Variants in CCDC138 observed in about 807,000 individuals in gnomAD.
CCDC138 encodes the protein coiled-coil domain containing 138, also known as coiled-coil domain-containing protein 138.
In CCDC138, 66 loss-of-function variants were observed where a neutral mutation model predicts 82.3. The observed-to-expected ratio is 0.80, with a 90% CI of 0.66 to 0.98. CCDC138 has a LOEUF of 0.98. Ranked by LOEUF, CCDC138 falls within the 50% of genes least tolerant of loss-of-function variation. The pLI is 0.00. For missense variants in CCDC138, 816 were observed against 758.9 expected (o/e 1.08, Z -0.88); for synonymous variants, 297 against 265.4 (o/e 1.12, Z -1.16).
At chr2:108,811,070 C>G (rs1683727477) in intron 7 of CCDC138, among the ~76,000 whole-genome samples, 1 of 148,852 alleles carries the variant, frequency 6.7e-6, no homozygotes, top group Non-Finnish European at 1.5e-5. Flanking sequence ...CCGATTTTAT[C>G]TGTTTGGGTC....
intron 12 of CCDC138, among the ~76,000 whole-genome samples, chr2:108,850,992 G>A (rs1476155669): frequency 2.0e-5 from 3 of 152,132 alleles, no homozygotes; most frequent in South Asian, 2.1e-4. Flanking sequence ...AGGCTGCCTC[G>A]TGCCACACCA....
intron 5 of CCDC138, among the ~76,000 whole-genome samples, chr2:108,795,150 ATTTTTTTTT>A (rs11458525): frequency 3.1e-4 from 26 of 85,040 alleles, no homozygotes; most frequent in South Asian, 4.4e-4. Flanking sequence ...TCTAAAGTGT[ATTTTTTTTT>A]TTTTTTTTTT....
chr2:108,856,540 A>C (rs1021334788), intron 12 of CCDC138, among the ~76,000 whole-genome samples: 4 of 152,226 alleles, frequency 2.6e-5, no homozygotes, highest in African/African-American at 4.8e-5. Flanking sequence ...AGTATTAAAA[A>C]ATGTGGCTTG....
chr2:108,870,461 A>G (rs148369093), intron 13 of CCDC138, among the ~76,000 whole-genome samples: 1 of 152,180 alleles, frequency 6.6e-6, no homozygotes, highest in Non-Finnish European at 1.5e-5. Flanking sequence ...AATAGCTGAA[A>G]ACTTATCAAA....
At position 108,815,947 on chromosome 2, in the gene CCDC138, C is replaced by G. The variant is rs766312005; in HGVS notation, c.1048C>G (p.Leu350Val). ...TTTAATTTTTGACATATAGGTACCA[C>G]TTAATGGGCAAGTTTATGAACTTTT... ...APVSKTYKVP[L>V]NGQVYELLTV... The change falls in exon 10 of 15, where the codon CTT (leucine) becomes GTT (valine). Residue 350 changes from leucine to valine, a missense_variant. Leu to Val is a conservative substitution (Grantham distance 32). Coordinates refer to ENST00000295124, the MANE Select transcript of CCDC138 (RefSeq NM_144978.3). 9 of 1,606,994 alleles carry G rather than the reference C, an allele frequency of 5.6e-6. No homozygotes were observed. Among genetic ancestry groups the G allele is most frequent in the Non-Finnish European group, 7.6e-6 (9 of 1,177,768 alleles).
intron 12 of CCDC138, among the ~76,000 whole-genome samples, chr2:108,854,592 C>T (rs1277076536): frequency 6.6e-6 from 1 of 152,096 alleles, no homozygotes. Flanking sequence ...TTTATTCCTG[C>T]TTAATAAACT....
rs1319504103 is a variant in CCDC138, at chr2:108,846,838, A to C, written c.1424A>C (p.Glu475Ala). The change falls in exon 12 of 15, where the codon GAG (glutamate) becomes GCG (alanine). Residue 475 changes from glutamate (E) to alanine (A), a missense_variant. Coordinates refer to ENST00000295124, the MANE Select transcript of CCDC138 (RefSeq NM_144978.3). ...IQDNSPQHSVENKPKTAAFFK... is the reference protein window; with the variant it reads ...IQDNSPQHSVANKPKTAAFFK... ...GATAATTCTCCACAGCATTCTGTGG[A>C]GAATAAACCAAAGACAGCTGCTTTC... 1.2e-6 allele frequency: 2 copies of C among 1,613,352 alleles called. No homozygotes were observed. The highest frequency in any genetic ancestry group is 2.7e-5 in the African/African-American group (2 of 74,898).
chr2:108,794,583 G>A lies in CCDC138; in HGVS notation c.438G>A (p.Glu146=), dbSNP rs373030769. 2 of 1,614,112 alleles carry A rather than the reference G, an allele frequency of 1.2e-6. No individual in the cohort carries two copies. Among genetic ancestry groups the A allele is most frequent in the Non-Finnish European group, 1.7e-6 (2 of 1,180,012 alleles). The part of the protein sequence containing the change: ...TNTTSSRPRT[E]CCSDAGDSPL... ...CGACCTCATCGAGACCTCGGACTGA[G>A]TGTTGTAGTGATGCAGGTGACTCTC... The change falls in exon 5 of 15, where the codon GAG becomes GAA. Residue 146 remains glutamate, a synonymous_variant. Transcript: ENST00000295124.
At chr2:108,875,337 GA>G (rs1695876318) in intron 14 of CCDC138, among the ~76,000 whole-genome samples, 1 of 132,840 alleles carries the variant, frequency 7.5e-6, no homozygotes, top group Non-Finnish European at 1.5e-5. Flanking sequence ...AAAAAAAAAA[GA>G]AACAAATTCT....
intron 13 of CCDC138, among the ~76,000 whole-genome samples, chr2:108,862,398 A>C (rs9808001): frequency 6.6e-6 from 1 of 152,118 alleles, no homozygotes; most frequent in Non-Finnish European, 1.5e-5. Context: ...GTGTCAGTGG[A>C]CCTAACTCCA....
chr2:108,878,881 A>G (rs1196206778), downstream of CCDC138, among the ~76,000 whole-genome samples: 3 of 152,252 alleles, frequency 2.0e-5, no homozygotes, highest in Non-Finnish European at 2.9e-5. Context: ...TTTGGAAAAT[A>G]TCAAGGAAAC....
chr2:108,791,419 A>G (rs1573907357), intron 3 of CCDC138: 1 of 459,528 alleles, frequency 2.2e-6, no homozygotes, highest in East Asian at 5.6e-5. Context: ...TAGCTGTAGA[A>G]TATACCACAG....
chr2:108,857,655 C>A (rs1483639473), intron 13 of CCDC138, among the ~76,000 whole-genome samples: 1 of 152,158 alleles, frequency 6.6e-6, no homozygotes, highest in Non-Finnish European at 1.5e-5. Context: ...ATTGGACTTA[C>A]AGTTGATGAC....
intron 10 of CCDC138, among the ~76,000 whole-genome samples, chr2:108,817,308 T>C (rs1684957850): frequency 6.6e-6 from 1 of 151,974 alleles, no homozygotes; most frequent in Admixed American, 6.6e-5. Context: ...TCTTTTTTTT[T>C]TTTGAGGCGG....
chr2:108,810,211 G>T (rs769790036), intron 7 of CCDC138, among the ~76,000 whole-genome samples: 1 of 152,104 alleles, frequency 6.6e-6, no homozygotes, highest in African/African-American at 2.4e-5. Flanking sequence ...GAGCATCCTT[G>T]TCTTGTTCTA....
chr2:108,851,763 T>C (rs548593330), intron 12 of CCDC138, among the ~76,000 whole-genome samples: 10 of 152,140 alleles, frequency 6.6e-5, no homozygotes, highest in African/African-American at 2.4e-4. Context: ...CAGGAGAAGG[T>C]CAGAGACCTT....
chr2:108,797,006 G>T (rs1681026386), intron 5 of CCDC138, among the ~76,000 whole-genome samples: 1 of 152,186 alleles, frequency 6.6e-6, no homozygotes, highest in Non-Finnish European at 1.5e-5. Context: ...AAATGTTTGA[G>T]GTAATAGATA....
chr2:108,847,351 T>C (rs77473385), intron 12 of CCDC138, among the ~76,000 whole-genome samples: 4,480 of 152,322 alleles, frequency 0.029, 215 homozygotes, highest in African/African-American at 0.1. Flanking sequence ...TATGACTCTT[T>C]GCCCTACAGT....
chr2:108,794,558 C>G lies in CCDC138; in HGVS notation c.413C>G (p.Thr138Arg), dbSNP rs776055875. 4.3e-6 allele frequency: 7 copies of G among 1,609,424 alleles called. No homozygotes were observed. Among genetic ancestry groups the G allele is most frequent in the Non-Finnish European group, 5.9e-6 (7 of 1,178,204 alleles). ...TTTGCAGTTGCCTTGCCAACTAATA[C>G]GACCTCATCGAGACCTCGGACTGAG... ...EIEKVALPTN[T>R]TSSRPRTECC... Residue 138 changes from threonine (T) to arginine (R), a missense_variant, in exon 5 of 15, where the codon ACG (threonine) becomes AGG (arginine). Physicochemically the swap from Thr to Arg is moderately conservative, Grantham distance 71. Coordinates refer to ENST00000295124, the MANE Select transcript of CCDC138 (RefSeq NM_144978.3).
Sources: allele counts gnomAD v4.1 joint callset (sites outside exome capture counted in the v4.1 genomes callset), GRCh38; gene constraint gnomAD v4.1.1; transcripts MANE v1.5; gene names NCBI Gene and HGNC (gene_info 2026-07-23, HGNC 2026-07-21).